The following AVEN variants were observed in gnomAD, a reference collection of about 807,000 sequenced individuals.
The protein encoded by AVEN is apoptosis and caspase activation inhibitor, also known as cell death regulator Aven.
In AVEN, 41 loss-of-function variants were observed where a neutral mutation model predicts 38.1. The observed-to-expected ratio is 1.08, with a 90% CI of 0.84 to 1.40. The LOEUF (loss-of-function observed/expected upper bound fraction) is 1.40, where lower values mean the gene tolerates loss of function less well. Ranked by LOEUF, AVEN falls within the 40% of genes most tolerant of loss-of-function variation. The pLI is 0.00. For missense variants in AVEN, 605 were observed against 438.8 expected (o/e 1.38, Z -3.38); for synonymous variants, 206 against 171.8 (o/e 1.20, Z -1.56).
At chr15:33,910,108 T>A (rs554225088) in intron 2 of AVEN, among the ~76,000 whole-genome samples, 109 of 145,452 alleles carry the variant, frequency 7.5e-4, no homozygotes, top group African/African-American at 2.7e-3. Context: ...AGCCCCAGCC[T>A]GGGTGACAGA....
chr15:33,860,932 G>A (rs1219024747), intron 11 of AVEN: 2 of 581,010 alleles, frequency 3.4e-6, no homozygotes, highest in Admixed American at 2.5e-5. Context: ...AATAGCCAAT[G>A]TATGGCACTA....
chr15:34,017,497 T>TTTTTTTTTTTTTTTTTTTTG, intron 1 of AVEN, among the ~76,000 whole-genome samples: 1 of 133,364 alleles, frequency 7.5e-6, no homozygotes, highest in Non-Finnish European at 1.7e-5. Context: ...TTTTTTTTTT[T>TTTTTTTTTTTTTTTTTTTTG]TTTGAGACAG....
chr15:33,901,226 C>A (rs1259687117), intron 2 of AVEN, among the ~76,000 whole-genome samples: 3 of 152,148 alleles, frequency 2.0e-5, no homozygotes, highest in Non-Finnish European at 2.9e-5. Context: ...GAGATCGCAC[C>A]ACTGCACTCC....
At chr15:33,886,400 T>A (rs1270618514) in intron 2 of AVEN, among the ~76,000 whole-genome samples, 2 of 152,210 alleles carry the variant, frequency 1.3e-5, no homozygotes, top group African/African-American at 4.8e-5. Flanking sequence ...CCTCCCAGGT[T>A]CAAGTGAGTC....
At chr15:34,058,009 A>G (rs1900216540) in intron 5 of AVEN, among the ~76,000 whole-genome samples, 1 of 152,286 alleles carries the variant, frequency 6.6e-6, no homozygotes, top group South Asian at 2.1e-4. Flanking sequence ...GGGCTAGCAA[A>G]TCTGAAATCT....
intron 2 of AVEN, chr15:33,968,912 T>C (rs1440682963): frequency 1.3e-5 from 2 of 152,078 alleles, no homozygotes; most frequent in East Asian, 3.8e-4. Flanking sequence ...TGTTACCAGA[T>C]AAAGGCAAAA....
intron 1 of AVEN, among the ~76,000 whole-genome samples, chr15:34,031,629 T>G (rs1898832670): frequency 6.6e-6 from 1 of 152,190 alleles, no homozygotes; most frequent in Admixed American, 6.5e-5. Flanking sequence ...ATTCCATTAA[T>G]CTCCTATTTT....
At chr15:33,967,686 A>T (rs2140486284) in intron 2 of AVEN, among the ~76,000 whole-genome samples, 1 of 152,132 alleles carries the variant, frequency 6.6e-6, no homozygotes, top group Non-Finnish European at 1.5e-5. Flanking sequence ...TAAATTTAAA[A>T]TTTAAATTTT....
chr15:33,942,258 A>T (rs1390129239), intron 2 of AVEN, among the ~76,000 whole-genome samples: 1 of 152,134 alleles, frequency 6.6e-6, no homozygotes, highest in African/African-American at 2.4e-5. Context: ...TTTTTTATAT[A>T]TTAATGCCCA....
downstream of AVEN, chr15:33,856,937 G>A (rs960893196): frequency 1.1e-4 from 17 of 152,386 alleles, no homozygotes; most frequent in Admixed American, 4.6e-4. Context: ...GATTACAGGC[G>A]TGAGCCACCC....
intron 2 of AVEN, among the ~76,000 whole-genome samples, chr15:33,944,213 G>A (rs938207780): frequency 3.9e-5 from 6 of 152,088 alleles, no homozygotes; most frequent in Non-Finnish European, 8.8e-5. Context: ...CACATCCCCT[G>A]CTCAATTCAA....
chr15:34,064,617 CA>C (rs1747900179), intron 4 of AVEN: 3 of 358,386 alleles, frequency 8.4e-6, no homozygotes, highest in Non-Finnish European at 1.6e-5. Context: ...TAACAATGAA[CA>C]GTGACTCAGG....
rs141041823 is a variant in AVEN at position 33,940,822 on chromosome 15, G to A, written c.445+62210C>T. On this transcript the variant is annotated intron_variant, in intron 2 of 5. Coordinates refer to ENST00000306730, the MANE Select transcript of AVEN (RefSeq NM_020371.3). ...CCCAAAGTGCTGGGATTACAGATGT[G>A]AGCCACCACACCCAGCCACGATATG... Among the ~76,000 whole-genome samples, 1,333 of 152,236 alleles carry A rather than the reference G, an allele frequency of 8.8e-3. 18 individuals carry two copies. Among genetic ancestry groups the A allele is most frequent in the African/African-American group, 0.031 (1,272 of 41,536 alleles).
intron 2 of AVEN, among the ~76,000 whole-genome samples, chr15:33,966,311 A>G (rs1895380688): frequency 2.0e-5 from 3 of 152,196 alleles, no homozygotes; most frequent in Admixed American, 6.5e-5. Flanking sequence ...GCTTATCTGT[A>G]TTAAATGGTG....
chr15:33,988,900 A>G (rs979310889), intron 2 of AVEN, among the ~76,000 whole-genome samples: 1 of 152,248 alleles, frequency 6.6e-6, no homozygotes, highest in African/African-American at 2.4e-5. Flanking sequence ...ATGCCCAGTT[A>G]ACACTCATAA....
intron 1 of AVEN, among the ~76,000 whole-genome samples, chr15:34,010,076 T>C (rs1897570632): frequency 6.6e-6 from 1 of 151,558 alleles, no homozygotes; most frequent in South Asian, 2.1e-4. Context: ...GAATAGAAAG[T>C]TTAACAATAA....
intron 5 of AVEN, among the ~76,000 whole-genome samples, chr15:34,055,875 A>G (rs969342529): frequency 6.6e-6 from 1 of 152,186 alleles, no homozygotes; most frequent in African/African-American, 2.4e-5. Context: ...CCCTTCTACA[A>G]TTTAACAAGA....
chr15:34,056,545 C>T (rs1900157520), intron 5 of AVEN, among the ~76,000 whole-genome samples: 1 of 152,224 alleles, frequency 6.6e-6, no homozygotes, highest in African/African-American at 2.4e-5. Context: ...GAGAGCTCTA[C>T]ATACTACATG....
rs1899852803 is a variant in AVEN at position 34,049,536 on chromosome 15, G to A, written n.1637+13386C>T. On this transcript the variant is annotated intron_variant and non_coding_transcript_variant, in intron 5 of 11. Transcript: ENST00000675287. ...AGAATGAAAAGGATCATGGGATTAT[G>A]TAAAGCAAAACCCATGACTGATTGG... 2.6e-5 allele frequency among the ~76,000 whole-genome samples: 4 copies of A among 152,256 alleles called. No individual in the cohort carries two copies. In the South Asian group the frequency reaches 8.3e-4, roughly 32 times the overall value.
Sources: gnomAD v4.1 joint callset for allele counts (sites outside exome capture counted in the v4.1 genomes callset) on GRCh38, gnomAD v4.1.1 for gene constraint, MANE v1.5 for transcripts, NCBI Gene and HGNC (gene_info 2026-07-23, HGNC 2026-07-21) for gene names.